Variants in NIN observed in about 807,000 individuals in gnomAD.
NIN encodes the protein glycogen synthase kinase 3 beta-interacting protein.
In NIN, 137 loss-of-function variants were observed where a neutral mutation model predicts 257.6. The ratio of observed to expected loss-of-function variants is 0.53; its 90% CI spans 0.46 to 0.61. The LOEUF is 0.61. Among genes scored for constraint, NIN ranks in the 20% least tolerant of loss-of-function variants. NIN has a pLI of 0.00. For synonymous variants in NIN, 918 were observed against 919.8 expected, an observed-to-expected ratio of 1.00 and a Z score of 0.04; for missense variants, 2,439 against 2,501.2, an observed-to-expected ratio of 0.98 and a Z score of 0.53.
At chr14:50,782,059 A>C (rs973362788) in intron 5 of NIN, among the ~76,000 whole-genome samples, 22 of 152,056 alleles carry the variant, frequency 1.4e-4, no homozygotes, top group Non-Finnish European at 2.8e-4. Flanking sequence ...TCTCAACAGC[A>C]ATCAAAGAAG....
chr14:50,822,295 A>G (rs148725301), intron 2 of NIN, among the ~76,000 whole-genome samples: 3 of 152,304 alleles, frequency 2.0e-5, no homozygotes, highest in East Asian at 3.9e-4. Flanking sequence ...GGGCATATAC[A>G]TAAGCTCAGA....
At position 50,776,974 on chromosome 14, in the gene NIN, T is replaced by C; in HGVS notation, c.641A>G (p.Tyr214Cys). ...RKKLVSICEQ[Y>C]GLQNVDGEML... is the part of the protein sequence containing the mutation. Reference sequence around the variant, plus strand: ...CTCTCCATCCACATTCTGTAAACCATACTGCTCACAGATGGAGACCAGCTT... The same window carrying C: ...CTCTCCATCCACATTCTGTAAACCACACTGCTCACAGATGGAGACCAGCTT... The change falls in exon 7 of 31, where the codon TAT becomes TGT. Residue 214 changes from tyrosine (Y) to cysteine (C), a missense_variant. Transcript: ENST00000530997. The C allele has an allele frequency of 6.2e-7, 1 of 1,613,894 alleles. No individual in the cohort carries two copies. The highest frequency in any genetic ancestry group is 8.5e-7 in the Non-Finnish European group (1 of 1,179,864).
rs531287523 is a variant in NIN at position 50,750,001 on chromosome 14, T to C, written c.4951-1896A>G. Among the ~76,000 whole-genome samples the C allele has an allele frequency of 2.4e-4, 36 of 152,320 alleles. No homozygotes were observed. The South Asian group carries it at 6.0e-3, about 25-fold the overall frequency. ...AGCCACTATACCTGGCTGGTATTTA[T>C]TGTAGTCTATGTTTATTTCATAATT... On this transcript the variant is annotated intron_variant, in intron 21 of 30. Transcript: ENST00000530997.
At chr14:50,794,224 T>C (rs1159661879) in intron 4 of NIN, among the ~76,000 whole-genome samples, 1 of 152,210 alleles carries the variant, frequency 6.6e-6, no homozygotes, top group East Asian at 1.9e-4. Flanking sequence ...CGGATTTCAC[T>C]ATCTTCACAA....
intron 29 of NIN, among the ~76,000 whole-genome samples, chr14:50,728,565 G>A (rs1221243607): frequency 1.3e-5 from 2 of 152,216 alleles, no homozygotes; most frequent in African/African-American, 4.8e-5. Flanking sequence ...ATTCAAATAA[G>A]AGATAGGAAA....
At chr14:50,745,042 G>T (rs2041474337) in intron 22 of NIN, among the ~76,000 whole-genome samples, 1 of 152,188 alleles carries the variant, frequency 6.6e-6, no homozygotes, top group South Asian at 2.1e-4. Context: ...CTTCCTTTCA[G>T]AAGGTGCCTA....
At chr14:50,805,857 C>T (rs900703135) in intron 4 of NIN, 1 of 152,084 alleles carries the variant, frequency 6.6e-6, no homozygotes, top group Non-Finnish European at 1.5e-5. Context: ...TTCATTGTCC[C>T]CCAAATTCCT....
rs780185651 is a variant in NIN at position 50,723,648 on chromosome 14, C to T, written c.6217G>A (p.Ala2073Thr). The change falls in exon 31 of 31, where the codon GCA becomes ACA. Residue 2073 changes from alanine to threonine, a missense_variant. Ala to Thr is a moderately conservative substitution (Grantham distance 58). This residue lies in a region of NIN where 2,043 missense variants were observed against 2,050.2 expected (regional missense o/e 1.00). Transcript: ENST00000530997. The stretch of plus-strand genomic sequence containing the variant: ...TCAACATACAAGTCCTTCACCATTG[C>T]GTCTGCCTTAGTGTTCTTGCAGAGC... ...EQLCKNTKAD[A>T]MVKDLYVENA... The T allele has an allele frequency of 1.5e-5, 25 of 1,613,692 alleles. No individual in the cohort carries two copies. Among genetic ancestry groups the T allele is most frequent in the Middle Eastern group, 1.6e-4 (1 of 6,084 alleles).
At chr14:50,734,291 T>C (rs983383598) in intron 28 of NIN, among the ~76,000 whole-genome samples, 2 of 151,860 alleles carry the variant, frequency 1.3e-5, no homozygotes, top group African/African-American at 2.4e-5. Flanking sequence ...AGGGTTTCAC[T>C]ATGTTGGCCA....
At chr14:50,799,004 T>C (rs2043963866) in intron 4 of NIN, among the ~76,000 whole-genome samples, 1 of 152,220 alleles carries the variant, frequency 6.6e-6, no homozygotes, top group Non-Finnish European at 1.5e-5. Flanking sequence ...TCTTGATCTT[T>C]TGACCTCGTG....
Position 50,757,982 on chromosome 14 carries a change from C to T in NIN, c.3048G>A (p.Gln1016=). 6.2e-7 allele frequency: 1 copy of T among 1,614,222 alleles called. No homozygotes were observed. Among genetic ancestry groups the T allele is most frequent in the South Asian group, 1.1e-5 (1 of 91,084 alleles). ...AEMSTEISRL[Q]SKIKEMQQAT... ...CCTGCTGCATTTCCTTTATTTTACT[C>T]TGAAGTCTGGAGATTTCTGTGCTCA... Residue 1016 remains glutamine, a synonymous_variant, in exon 18 of 31, where the codon CAG becomes CAA. Transcript: ENST00000530997.
At position 50,754,735 on chromosome 14, in the gene NIN, G is replaced by A. The variant is rs1246712370; in HGVS notation, c.4664+7C>T. ...ATGTCTTAGGAAAATGTAAGTATAC[G>A]TCTTACCACATTTCTTCCTGAGATC... On this transcript the variant is annotated splice_region_variant and intron_variant, in intron 19 of 30. Coordinates refer to ENST00000530997, the MANE Select transcript of NIN (RefSeq NM_020921.4). 14 of 1,583,220 alleles carry A rather than the reference G, an allele frequency of 8.8e-6. No homozygotes were observed. Among genetic ancestry groups the A allele is most frequent in the South Asian group, 4.6e-5 (4 of 86,558 alleles).
Position 50,758,749 on chromosome 14 carries a change from A to G in NIN, c.2400-119T>C, listed in dbSNP as rs977722580. On this transcript the variant is annotated intron_variant, in intron 17 of 30. Transcript: ENST00000530997. ...CAAACAACTGAAATACTCCCTAAAAATGCTCTTAACTTACTCCTATGTGAT... is the reference window on the plus strand; with the variant it reads ...CAAACAACTGAAATACTCCCTAAAAGTGCTCTTAACTTACTCCTATGTGAT... The G allele has an allele frequency of 9.2e-5, 83 of 897,470 alleles. 1 individual carries two copies. In the South Asian group the frequency reaches 1.2e-3, roughly 13 times the overall value. 55.6% of individuals were successfully genotyped at this position (897,470 alleles called of 1,614,324 possible). A position where few individuals can be genotyped will look rare whatever the true frequency, so the allele number is the denominator to read the frequency against.
At chr14:50,727,337 A>T in intron 29 of NIN, 12 of 987,428 alleles carry the variant, frequency 1.2e-5, no homozygotes, top group Non-Finnish European at 1.5e-5. Flanking sequence ...TTCAAATTCC[A>T]TATATAAAAG....
chr14:50,778,855 A>G lies in NIN; in HGVS notation c.436-51T>C, dbSNP rs749557336. 3.0e-5 allele frequency: 47 copies of G among 1,585,972 alleles called. No homozygotes were observed. In the Admixed American group the frequency reaches 7.7e-4, roughly 26 times the overall value. ...GTGCTTTAGAACTTATTCAGAAAGA[A>G]CTATCCTAGCTTTTCCTAGAGCAGA... On this transcript the variant is annotated intron_variant, in intron 5 of 30. Transcript: ENST00000530997.
chr14:50,738,215 G>A lies in NIN; in HGVS notation c.5700C>T (p.Pro1900=). ...KHLNPSGTMN[P]TEQEKLSLKR... ...TTAAGCTCAATTTTTCTTGCTCTGT[G>A]GGATTCATGGTACCTGATGGGTTTA... is the stretch of plus-strand genomic sequence containing the variant. Residue 1900 remains proline, a synonymous_variant, in exon 27 of 31, where the codon CCC becomes CCT. Transcript: ENST00000530997. The A allele has an allele frequency of 6.2e-7, 1 of 1,614,012 alleles. No individual in the cohort carries two copies. The highest frequency in any genetic ancestry group is 8.5e-7 in the Non-Finnish European group (1 of 1,179,954).
intron 4 of NIN, among the ~76,000 whole-genome samples, chr14:50,795,517 C>T (rs2043799207): frequency 6.6e-6 from 1 of 152,194 alleles, no homozygotes; most frequent in African/African-American, 2.4e-5. Context: ...GACACTCTTA[C>T]CCACTCAAGT....
rs750122297 is a variant in NIN, at chr14:50,757,327, G to C, written c.3703C>G (p.Leu1235Val). The change falls in exon 18 of 31, where the codon CTG becomes GTG. Residue 1235 changes from leucine (L) to valine (V), a missense_variant. Leu to Val is a conservative substitution (Grantham distance 32, BLOSUM62 1). Around this residue, in one of 3 missense-constraint regions of NIN, gnomAD observed 2,043 missense variants for 2,050.2 expected, o/e 1.00. Transcript: ENST00000530997. ...LFDVSVLKKK[L>V]KMLERIPEAS... ...TCAGGGATTCTCTCAAGCATCTTCA[G>C]TTTCTTTTTTAGCACAGAAACATCA... The C allele has an allele frequency of 6.2e-7, 1 of 1,613,788 alleles. No homozygotes were observed. Among genetic ancestry groups the C allele is most frequent in the Non-Finnish European group, 8.5e-7 (1 of 1,179,940 alleles).
intron 4 of NIN, among the ~76,000 whole-genome samples, chr14:50,797,148 C>A (rs749480260): frequency 6.6e-6 from 1 of 152,162 alleles, no homozygotes. Context: ...AACACATAAG[C>A]GTATTTACCA....
Sources: gnomAD v4.1 joint callset for allele counts (sites outside exome capture counted in the v4.1 genomes callset) on GRCh38, gnomAD v4.1.1 for gene constraint, gnomAD v4.1.1 regional missense constraint, MANE v1.5 for transcripts, NCBI Gene and HGNC (gene_info 2026-07-23, HGNC 2026-07-21) for gene names.